Variants in UNC13C observed in about 807,000 individuals in gnomAD.
The protein encoded by UNC13C is unc-13 homolog C.
Under a neutral mutation model 245.4 loss-of-function variants are expected in UNC13C, and 174 were observed. That is an observed-to-expected ratio of 0.71 (90% CI 0.63 to 0.80). The LOEUF (loss-of-function observed/expected upper bound fraction) is 0.80. Ranked by LOEUF, UNC13C falls within the 30% of genes least tolerant of loss-of-function variation. The pLI is 0.00. For missense variants in UNC13C, 2,829 were observed against 2,602.9 expected (o/e 1.09, Z -1.89); for synonymous variants, 992 against 895.1 (o/e 1.11, Z -1.93).
At chr15:54,399,523 G>C (rs190781391) in intron 18 of UNC13C, among the ~76,000 whole-genome samples, 66 of 151,710 alleles carry the variant, frequency 4.4e-4, no homozygotes, top group Middle Eastern at 3.4e-3. Context: ...TCATTTGTTC[G>C]CATGCATTGT....
In UNC13C at chr15:54,143,624, G is replaced by T; in HGVS notation, c.3011G>T (p.Arg1004Leu). ...GDSSSVDEKA[R>L]IVSGNDLDAS... ...TTCTCTTACTCTTCATTTAAGGCTC[G>T]AATAGTAAGTGGCAATGATTTGGAT... Residue 1004 changes from arginine (R) to leucine (L), a missense_variant, in exon 4 of 33, where the codon CGA becomes CTA. By Grantham distance (102) the Arg-to-Leu change is moderately radical (BLOSUM62 -2). Transcript: ENST00000260323. The T allele has an allele frequency of 6.2e-7, 1 of 1,612,948 alleles. No homozygotes were observed. The highest frequency in any genetic ancestry group is 8.5e-7 in the Non-Finnish European group (1 of 1,179,252).
At chr15:53,991,830 C>G (rs1364743570) in intron 1 of UNC13C, among the ~76,000 whole-genome samples, 1 of 151,966 alleles carries the variant, frequency 6.6e-6, no homozygotes, top group African/African-American at 2.4e-5. Flanking sequence ...TTATCAGAGC[C>G]TAGTCCTGTA....
intron 24 of UNC13C, among the ~76,000 whole-genome samples, chr15:54,521,172 T>C (rs147403644): frequency 6.1e-4 from 93 of 152,300 alleles, no homozygotes; most frequent in African/African-American, 2.0e-3. Flanking sequence ...TTTATTAATG[T>C]TTTAATGCAA....
the UNC13C span, among the ~76,000 whole-genome samples, chr15:53,866,897 T>G: frequency 6.6e-6 from 1 of 152,162 alleles, no homozygotes; most frequent in African/African-American, 2.4e-5. Context: ...TAGCAGAACC[T>G]TAAAACCACA....
At chr15:54,233,785 C>T (rs1188946083) in intron 4 of UNC13C, among the ~76,000 whole-genome samples, 1 of 152,116 alleles carries the variant, frequency 6.6e-6, no homozygotes, top group Non-Finnish European at 1.5e-5. Flanking sequence ...TGTCATTAGC[C>T]TTTGTAGCCT....
intron 2 of UNC13C, among the ~76,000 whole-genome samples, chr15:54,042,242 AATC>A (rs1335715862): frequency 5.3e-5 from 8 of 152,160 alleles, no homozygotes; most frequent in Non-Finnish European, 1.0e-4. Context: ...TTGTCAGAAA[AATC>A]TTATTTTTGA....
At chr15:54,326,941 C>A (rs1324063919) in intron 14 of UNC13C, among the ~76,000 whole-genome samples, 1 of 151,956 alleles carries the variant, frequency 6.6e-6, no homozygotes, top group Non-Finnish European at 1.5e-5. Flanking sequence ...TGAAAGTTAG[C>A]AAATGCTAAA....
chr15:54,530,940 C>A (rs375226631), intron 25 of UNC13C, among the ~76,000 whole-genome samples: 28 of 152,212 alleles, frequency 1.8e-4, no homozygotes, highest in East Asian at 7.7e-4. Flanking sequence ...AAAGGAGGAA[C>A]ATGATCTGGT....
At chr15:54,434,746 A>C (rs1398663352) in intron 19 of UNC13C, among the ~76,000 whole-genome samples, 1 of 152,158 alleles carries the variant, frequency 6.6e-6, no homozygotes, top group Non-Finnish European at 1.5e-5. Context: ...GATCTAATTA[A>C]ACTAAAGAGC....
intron 4 of UNC13C, among the ~76,000 whole-genome samples, chr15:54,170,615 AT>A (rs1291831991): frequency 6.6e-6 from 1 of 151,836 alleles, no homozygotes; most frequent in African/African-American, 2.4e-5. Context: ...CAGCCATTTC[AT>A]TTGAACAGGT....
At chr15:53,858,428 G>GT in the UNC13C span, among the ~76,000 whole-genome samples, 19,584 of 144,718 alleles carry the variant, frequency 0.14, 1,430 homozygotes, top group Admixed American at 0.22. Context: ...GTTTTTGTTT[G>GT]TTTTTTTTTT....
intron 13 of UNC13C, among the ~76,000 whole-genome samples, chr15:54,308,572 A>G (rs1328196595): frequency 6.6e-6 from 1 of 151,858 alleles, no homozygotes; most frequent in African/African-American, 2.4e-5. Context: ...TATCATCACC[A>G]TGTTGTACAA....
the UNC13C span, among the ~76,000 whole-genome samples, chr15:53,960,002 C>T: frequency 2.6e-5 from 4 of 152,002 alleles, no homozygotes; most frequent in Non-Finnish European, 5.9e-5. Flanking sequence ...ATTACTTTTC[C>T]CATTAAAAGT....
chr15:54,598,052 G>C (rs1266879395), intron 30 of UNC13C, among the ~76,000 whole-genome samples: 1 of 152,102 alleles, frequency 6.6e-6, no homozygotes, highest in East Asian at 1.9e-4. Flanking sequence ...AACTTTCCAG[G>C]CATATTGTAG....
At chr15:54,535,124 C>T (rs1220287759) in intron 26 of UNC13C, among the ~76,000 whole-genome samples, 1 of 152,012 alleles carries the variant, frequency 6.6e-6, no homozygotes, top group Non-Finnish European at 1.5e-5. Flanking sequence ...CTTTAAGAGA[C>T]TCATCTCACA....
chr15:53,909,017 TA>T, the UNC13C span, among the ~76,000 whole-genome samples: 2 of 146,300 alleles, frequency 1.4e-5, no homozygotes, highest in African/African-American at 4.9e-5. Context: ...TATATAGTGG[TA>T]TAAATAATAT....
the UNC13C span, among the ~76,000 whole-genome samples, chr15:53,873,571 C>CAAA: frequency 6.6e-6 from 1 of 152,058 alleles, no homozygotes; most frequent in South Asian, 2.1e-4. Context: ...GCTCAGAAGG[C>CAAA]AAATCATCTA....
chr15:53,876,222 C>T, the UNC13C span, among the ~76,000 whole-genome samples: 7 of 152,248 alleles, frequency 4.6e-5, no homozygotes, highest in East Asian at 1.9e-4. Context: ...TGGCACTAAA[C>T]GAACTCATCA....
At chr15:54,259,323 A>T (rs2036363353) in intron 8 of UNC13C, among the ~76,000 whole-genome samples, 1 of 152,254 alleles carries the variant, frequency 6.6e-6, no homozygotes, top group Non-Finnish European at 1.5e-5. Context: ...TGATAAAGAC[A>T]TACCCAAGAC....
Sources: allele counts gnomAD v4.1 joint callset (sites outside exome capture counted in the v4.1 genomes callset), GRCh38; gene constraint gnomAD v4.1.1; transcripts MANE v1.5; gene names NCBI Gene and HGNC (gene_info 2026-07-23, HGNC 2026-07-21).